Variants in CTNNA2 observed in about 807,000 individuals in gnomAD.
The protein encoded by CTNNA2 is catenin alpha-2.
A neutral mutation model predicts 101.0 loss-of-function variants in CTNNA2; 42 were observed. The ratio of observed to expected loss-of-function variants is 0.42; its 90% CI spans 0.32 to 0.54. The LOEUF (loss-of-function observed/expected upper bound fraction) is 0.54, where lower values mean the gene tolerates loss of function less well. Ranked by LOEUF, CTNNA2 falls within the 20% of genes least tolerant of loss-of-function variation. The probability of loss-of-function intolerance (pLI) is 0.14; values close to 1 mark genes in which losing one functional copy is unlikely to be tolerated. For missense variants in CTNNA2, 871 were observed against 1,223.1 expected (o/e 0.71, Z 4.29); for synonymous variants, 450 against 456.4 (o/e 0.99, Z 0.18).
chr2:80,156,740 G>A (rs561451124), intron 7 of CTNNA2, among the ~76,000 whole-genome samples: 97 of 152,328 alleles, frequency 6.4e-4, no homozygotes, highest in Non-Finnish European at 1.2e-3. Context: ...GGTACCACAC[G>A]CATTGCTGAT....
At chr2:79,203,160 C>T (rs111274531) in intron 2 of CTNNA2, among the ~76,000 whole-genome samples, 2,457 of 152,268 alleles carry the variant, frequency 0.016, 32 homozygotes, top group Non-Finnish European at 0.025. Context: ...CTTCCCACAG[C>T]TCTGGGGTTG....
chr2:80,534,801 A>G (rs1260575310), intron 9 of CTNNA2, among the ~76,000 whole-genome samples: 1 of 152,182 alleles, frequency 6.6e-6, no homozygotes, highest in African/African-American at 2.4e-5. Flanking sequence ...AACAAGTGCC[A>G]TAACAATTTT....
At chr2:79,526,813 A>G (rs1672432644) in intron 1 of CTNNA2, among the ~76,000 whole-genome samples, 2 of 152,136 alleles carry the variant, frequency 1.3e-5, no homozygotes, top group African/African-American at 2.4e-5. Context: ...TTCTCCTCCC[A>G]TATACAAAAA....
At chr2:79,267,819 C>A (rs1675005760) in intron 2 of CTNNA2, among the ~76,000 whole-genome samples, 1 of 152,082 alleles carries the variant, frequency 6.6e-6, no homozygotes, top group Admixed American at 6.6e-5. Flanking sequence ...CCTGGAAAAG[C>A]CCCTGGAGAT....
intron 7 of CTNNA2, among the ~76,000 whole-genome samples, chr2:79,915,196 C>CAAAG (rs10637423): frequency 0.61 from 91,516 of 150,978 alleles, 28,067 homozygotes; most frequent in East Asian, 0.78. Flanking sequence ...AACAAAAAGA[C>CAAAG]AAAGAAGAAA....
At chr2:80,088,816 G>C (rs1017333478) in intron 7 of CTNNA2, among the ~76,000 whole-genome samples, 9 of 152,072 alleles carry the variant, frequency 5.9e-5, no homozygotes, top group African/African-American at 2.2e-4. Flanking sequence ...CACTCAACAT[G>C]TTTGAAAGAC....
intron 4 of CTNNA2, among the ~76,000 whole-genome samples, chr2:79,403,447 A>G (rs1365467342): frequency 3.9e-5 from 6 of 152,062 alleles, no homozygotes; most frequent in East Asian, 1.9e-4. Flanking sequence ...TGAACTAACC[A>G]TATTTTAAGT....
Position 80,303,150 on chromosome 2 carries a change from C to G in CTNNA2, c.1057-90061C>G, listed in dbSNP as rs964847233. ...AGGCGCGGGAAGTGGGCGAAGTTCA[C>G]CTTGACCAAGTCGTTGTGCTCGAGG... On this transcript the variant is annotated intron_variant, in intron 7 of 18. Transcript: ENST00000402739. The surrounding 1 kb of genome is among the most constrained non-coding windows in gnomAD (Gnocchi z 7.7). 2 of 1,614,120 alleles carry G rather than the reference C, an allele frequency of 1.2e-6. No homozygotes were observed. Among genetic ancestry groups the G allele is most frequent in the Admixed American group, 1.7e-5 (1 of 60,014 alleles).
chr2:79,805,453 C>T (rs1420456488), intron 3 of CTNNA2, among the ~76,000 whole-genome samples: 1 of 152,184 alleles, frequency 6.6e-6, no homozygotes, highest in Non-Finnish European at 1.5e-5. Flanking sequence ...AAATTTTCCA[C>T]ATGTGGCATT....
At chr2:79,681,545 A>T (rs1683562789) in intron 2 of CTNNA2, among the ~76,000 whole-genome samples, 1 of 152,250 alleles carries the variant, frequency 6.6e-6, no homozygotes, top group Non-Finnish European at 1.5e-5. Context: ...AGCACAAAGA[A>T]CATGGCTATT....
intron 2 of CTNNA2, among the ~76,000 whole-genome samples, chr2:79,230,644 C>T (rs777925951): frequency 6.6e-6 from 1 of 152,142 alleles, no homozygotes; most frequent in Non-Finnish European, 1.5e-5. Context: ...GAGAAGAGGG[C>T]CACCATCCTC....
At chr2:80,592,748 A>G (rs1696619947) in intron 15 of CTNNA2, among the ~76,000 whole-genome samples, 1 of 152,152 alleles carries the variant, frequency 6.6e-6, no homozygotes, top group Admixed American at 6.5e-5. Flanking sequence ...TGGTATTAAC[A>G]TGTTAGAGGT....
chr2:80,063,903 G>A (rs1697789282), intron 7 of CTNNA2, among the ~76,000 whole-genome samples: 1 of 152,140 alleles, frequency 6.6e-6, no homozygotes, highest in Admixed American at 6.5e-5. Flanking sequence ...GATCTTTTCT[G>A]ATGGCCCCCT....
intron 2 of CTNNA2, among the ~76,000 whole-genome samples, chr2:79,692,382 G>T (rs1220238433): frequency 6.6e-6 from 1 of 152,162 alleles, no homozygotes; most frequent in Non-Finnish European, 1.5e-5. Flanking sequence ...AGATGCTGGA[G>T]AGGATGTGGA....
At chr2:80,019,261 TG>T (rs1166247292) in intron 7 of CTNNA2, among the ~76,000 whole-genome samples, 1 of 152,092 alleles carries the variant, frequency 6.6e-6, no homozygotes. Context: ...TAATACTGGG[TG>T]ATTTGAATAA....
intron 7 of CTNNA2, among the ~76,000 whole-genome samples, chr2:80,091,296 C>G (rs767539835): frequency 1.6e-4 from 24 of 152,160 alleles, no homozygotes; most frequent in Non-Finnish European, 3.1e-4. Flanking sequence ...TTCTAGCCTT[C>G]TTTGAAGGTT....
chr2:79,584,777 C>T (rs1676373786), intron 1 of CTNNA2, among the ~76,000 whole-genome samples: 1 of 152,140 alleles, frequency 6.6e-6, no homozygotes, highest in South Asian at 2.1e-4. Context: ...GCCTCAGCCT[C>T]CCAAAGTGTT....
chr2:79,762,091 T>G (rs1436626455), intron 3 of CTNNA2, among the ~76,000 whole-genome samples: 1 of 152,212 alleles, frequency 6.6e-6, no homozygotes, highest in Non-Finnish European at 1.5e-5. Context: ...GCAAGCCTAT[T>G]TAATCTTTGG....
intron 13 of CTNNA2, chr2:80,579,039 A>G (rs1479548662): frequency 1.3e-5 from 2 of 152,106 alleles, no homozygotes; most frequent in East Asian, 1.9e-4. Flanking sequence ...AAGTGCATAT[A>G]GCAATTATAA....
Sources: allele counts gnomAD v4.1 joint callset (sites outside exome capture counted in the v4.1 genomes callset), GRCh38; gene constraint gnomAD v4.1.1; non-coding constraint Gnocchi (gnomAD v3.1); transcripts MANE v1.5; gene names NCBI Gene and HGNC (gene_info 2026-07-23, HGNC 2026-07-21).